The following GPN1 variants were observed in gnomAD, a reference collection of about 807,000 sequenced individuals.
GPN1 encodes GPN-loop GTPase 1.
GPN1 carries 44 observed loss-of-function variants against 55.9 expected under a neutral mutation model. The observed-to-expected ratio is 0.79, with a 90% CI of 0.62 to 1.01. The LOEUF (loss-of-function observed/expected upper bound fraction) is 1.01, where lower values mean the gene tolerates loss of function less well. GPN1 is among the 50% of genes least tolerant of loss of function. The pLI, the probability that GPN1 is intolerant of heterozygous loss-of-function variation, is 0.00. For missense variants in GPN1, 466 were observed against 462.8 expected (o/e 1.01, Z -0.06); for synonymous variants, 179 against 162.5 (o/e 1.10, Z -0.77).
Position 27,650,204 on chromosome 2 carries a change from A to C in GPN1, c.*4A>C. ...CTGGAAGAGAAACAATAAATAGGAG[A>C]CTTTAGCACACTTCACTTGTTTCTA... On this transcript the variant is annotated 3_prime_UTR_variant, in exon 14 of 14. Coordinates refer to ENST00000610189, the MANE Select transcript of GPN1 (RefSeq NM_007266.4). The C allele has an allele frequency of 6.6e-7, 1 of 1,508,530 alleles. No individual in the cohort carries two copies. Among genetic ancestry groups the C allele is most frequent in the Non-Finnish European group, 9.2e-7 (1 of 1,084,494 alleles). The allele number at this position is 1,508,530 out of a possible 1,614,324, so 93.4% of individuals were successfully genotyped here.
chr2:27,632,750 C>T, intron 5 of GPN1, 80 bp downstream of exon 5: 1 of 941,892 alleles, frequency 1.1e-6, no homozygotes, highest in South Asian at 1.4e-5. Flanking sequence ...GGGATACCAT[C>T]AGCCTCTGAA....
chr2:27,629,017 A>T (rs755351212), upstream of GPN1: 4 of 1,613,050 alleles, frequency 2.5e-6, no homozygotes, highest in South Asian at 3.3e-5. Flanking sequence ...TTCTCTACCC[A>T]TGCGGTGTCT....
chr2:27,633,836 A>C (rs564547442), intron 5 of GPN1, among the ~76,000 whole-genome samples: 1 of 152,008 alleles, frequency 6.6e-6, no homozygotes, highest in African/African-American at 2.4e-5. Context: ...TATACCATAA[A>C]GTTCACTCGT....
At chr2:27,632,388 A>G (rs1230733540) in intron 4 of GPN1, among the ~76,000 whole-genome samples, 2 of 152,234 alleles carry the variant, frequency 1.3e-5, no homozygotes, top group Non-Finnish European at 2.9e-5. Flanking sequence ...ACATTGACAG[A>G]TCAAAGTCTT....
At chr2:27,633,480 A>AT (rs1289154648) in intron 5 of GPN1, among the ~76,000 whole-genome samples, 1 of 150,750 alleles carries the variant, frequency 6.6e-6, no homozygotes, top group African/African-American at 2.5e-5. Flanking sequence ...TAATTTTTGT[A>AT]TTTTTGTATT....
intron 6 of GPN1, 67 bp from the exon 7 acceptor site, chr2:27,635,073 T>G (rs1024212943): frequency 1.6e-4 from 169 of 1,080,710 alleles, no homozygotes; most frequent in Non-Finnish European, 2.3e-4. Flanking sequence ...TTAAGGATGG[T>G]GGAAAAAGAG....
chr2:27,632,548 C>A, intron 4 of GPN1, 85 bp from the exon 5 acceptor site: 1 of 860,356 alleles, frequency 1.2e-6, no homozygotes, highest in Non-Finnish European at 2.0e-6. Context: ...GGTGATAGTG[C>A]CTGTGAGGTA....
intron 3 of GPN1, chr2:27,631,335 A>G: frequency 2.0e-6 from 1 of 503,008 alleles, no homozygotes; most frequent in South Asian, 2.4e-5. Flanking sequence ...ACAAGGTAGT[A>G]TTTTGCCTTG....
intron 13 of GPN1, among the ~76,000 whole-genome samples, chr2:27,649,006 A>T (rs1674378015): frequency 3.3e-5 from 5 of 151,162 alleles, no homozygotes; most frequent in Admixed American, 3.3e-4. Context: ...GCACTTTGAG[A>T]GCCAAGGTGG....
intron 7 of GPN1, among the ~76,000 whole-genome samples, chr2:27,635,701 C>T (rs887664254): frequency 3.3e-5 from 5 of 152,112 alleles, no homozygotes; most frequent in Non-Finnish European, 5.9e-5. Context: ...CTTGTAGTCC[C>T]AGCTACTTGG....
intron 7 of GPN1, among the ~76,000 whole-genome samples, chr2:27,636,416 A>G (rs1673733082): frequency 6.6e-6 from 1 of 152,202 alleles, no homozygotes; most frequent in Non-Finnish European, 1.5e-5. Context: ...TTTTTGGTGG[A>G]TGCAAGAAAT....
At position 27,643,145 on chromosome 2, in the gene GPN1, G is replaced by GT. The variant is rs951914877; in HGVS notation, c.931+629dup. ...GATGTGTGCTGTGGTGGTTTTTTTT[G>GT]TTTGTTTCTAACACTTTTAACCCTC... On this transcript the variant is annotated intron_variant, in intron 12 of 13. Coordinates refer to ENST00000610189, the MANE Select transcript of GPN1 (RefSeq NM_007266.4). The surrounding 1 kb of genome is among the most constrained non-coding windows in gnomAD (Gnocchi z 4.0). Among the ~76,000 whole-genome samples the GT allele has an allele frequency of 8.7e-5, 13 of 148,590 alleles. No individual in the cohort carries two copies. Among genetic ancestry groups the GT allele is most frequent in the African/African-American group, 3.2e-4 (13 of 40,462 alleles).
rs1479394411 is a variant in GPN1 at position 27,651,434 on chromosome 2, T to G, written c.*1234T>G. The G allele has an allele frequency of 6.6e-6, 1 of 152,396 alleles. No homozygotes were observed. The highest frequency in any genetic ancestry group is 6.5e-5 in the Admixed American group (1 of 15,284). 9.4% of individuals were successfully genotyped at this position (152,396 alleles called of 1,614,324 possible). ...TCCTCACATCATTTGCCTTCTCATA[T>G]TTCCCTCGTCTTGACCATCTGGTGC... On this transcript the variant is annotated 3_prime_UTR_variant, in exon 14 of 14. Transcript: ENST00000610189.
chr2:27,631,006 A>G (rs992954889), intron 2 of GPN1, 21 bp from the exon 3 acceptor site: 1 of 1,155,680 alleles, frequency 8.7e-7, no homozygotes, highest in Non-Finnish European at 1.3e-6. Flanking sequence ...CATTCCAGTT[A>G]ATTCTTTTTT....
intron 11 of GPN1, 115 bp from the exon 12 acceptor site, chr2:27,642,314 A>G (rs1231401778): frequency 1.0e-5 from 7 of 679,720 alleles, no homozygotes; most frequent in South Asian, 1.7e-5. Flanking sequence ...CCTTATCTGC[A>G]TCAGTTTTTA....
chr2:27,646,022 A>G (rs1674209798), intron 12 of GPN1, among the ~76,000 whole-genome samples: 1 of 148,952 alleles, frequency 6.7e-6, no homozygotes, highest in Non-Finnish European at 1.5e-5. Flanking sequence ...GAACCACTGT[A>G]CCCAGCTTGA....
chr2:27,632,644 T>G lies in GPN1; in HGVS notation c.324T>G (p.Phe108Leu). ...FATRFDQVMK[F>L]IEKAQNMSKY... The stretch of plus-strand genomic sequence containing the variant: ...TCTTTTTCTTTTAGGTGATGAAATT[T>G]ATTGAGAAGGCCCAGAACATGTCCA... The change falls in exon 5 of 14, where the codon TTT becomes TTG. Residue 108 changes from phenylalanine to leucine, a missense_variant. Coordinates refer to ENST00000610189, the MANE Select transcript of GPN1 (RefSeq NM_007266.4). 1.9e-6 allele frequency: 3 copies of G among 1,601,584 alleles called. No homozygotes were observed. Among genetic ancestry groups the G allele is most frequent in the Non-Finnish European group, 2.6e-6 (3 of 1,168,618 alleles).
chr2:27,631,309 C>G (rs1406186792), intron 3 of GPN1: 2 of 530,606 alleles, frequency 3.8e-6, no homozygotes, highest in Non-Finnish European at 6.7e-6. Flanking sequence ...GGATAACTGA[C>G]AGCTACCTGG....
chr2:27,642,389 T>G (rs1280234415), intron 11 of GPN1, 40 bp from the exon 12 acceptor site: 1 of 1,240,566 alleles, frequency 8.1e-7, no homozygotes. Flanking sequence ...AATTTGGGAC[T>G]CCTTTTTGAA....
Sources: allele counts gnomAD v4.1 joint callset (sites outside exome capture counted in the v4.1 genomes callset), GRCh38; gene constraint gnomAD v4.1.1; non-coding constraint Gnocchi (gnomAD v3.1); transcripts MANE v1.5; gene names NCBI Gene and HGNC (gene_info 2026-07-23, HGNC 2026-07-21).